PNOC: variants seen among roughly 807,000 people sequenced by gnomAD.
The protein encoded by PNOC is nociceptin.
PNOC carries 10 observed loss-of-function variants against 15.6 expected under a neutral mutation model. The observed-to-expected ratio is 0.64, with a 90% CI of 0.40 to 1.09. PNOC has a LOEUF of 1.09. Ranked by LOEUF, PNOC falls within the 50% of genes least tolerant of loss-of-function variation. PNOC has a pLI of 0.01. For synonymous variants in PNOC, 98 were observed against 88.5 expected (o/e 1.11, Z -0.60); for missense variants, 220 against 223.9 (o/e 0.98, Z 0.11).
chr8:28,330,391 AT>A lies in PNOC; in HGVS notation c.126+1112del, dbSNP rs200641227. Among the ~76,000 whole-genome samples the A allele has an allele frequency of 6.0e-4, 46 of 76,080 alleles. 1 individual carries two copies. The highest frequency in any genetic ancestry group is 1.7e-3 in the African/African-American group (41 of 23,866). 49.9% of individuals were successfully genotyped at this position (76,080 alleles called of 152,430 possible). A position where few individuals can be genotyped will look rare whatever the true frequency, so the allele number is the denominator to read the frequency against. ...ATTTTATTTTATTTTATTTTATTTT[AT>A]TTTATTTTTTTTTTTTTTTTGAGAC... On this transcript the variant is annotated intron_variant, in intron 2 of 3. Coordinates refer to ENST00000301908, the MANE Select transcript of PNOC (RefSeq NM_006228.5).
upstream of PNOC, chr8:28,317,127 G>A (rs933454685): frequency 1.9e-4 from 29 of 152,868 alleles, no homozygotes; most frequent in African/African-American, 6.5e-4. Flanking sequence ...CGGGGGAAGG[G>A]AACAGCCAGG....
chr8:28,341,300 A>G lies in PNOC; in HGVS notation c.*48-1642A>G, dbSNP rs114875556. ...AGAAAGCTGATGTGTTTATTTTAGC[A>G]GGATGACTCATCTCCAAAGGCCCCA... On this transcript the variant is annotated intron_variant, in intron 3 of 3. Transcript: ENST00000301908. Among the ~76,000 whole-genome samples the G allele has an allele frequency of 3.2e-4, 49 of 152,350 alleles. 2 individuals carry two copies. The highest frequency in any genetic ancestry group is 1.1e-3 in the African/African-American group (46 of 41,580).
chr8:28,338,439 G>A (rs1465753629), intron 2 of PNOC, among the ~76,000 whole-genome samples: 4 of 151,956 alleles, frequency 2.6e-5, no homozygotes, highest in Admixed American at 6.6e-5. Flanking sequence ...AGCCCCGCAC[G>A]TCCAGCCGGC....
chr8:28,331,343 A>AT (rs1563328987), intron 2 of PNOC, among the ~76,000 whole-genome samples: 1 of 151,780 alleles, frequency 6.6e-6, no homozygotes, highest in African/African-American at 2.4e-5. Context: ...CTTGCTGATG[A>AT]TTTCCTCCTT....
Position 28,326,273 on chromosome 8 carries a change from G to A in PNOC, c.-23-2862G>A, listed in dbSNP as rs532300635. 3.0e-4 allele frequency among the ~76,000 whole-genome samples: 46 copies of A among 151,964 alleles called. No homozygotes were observed. In the South Asian group the frequency reaches 6.2e-3, roughly 21 times the overall value. On this transcript the variant is annotated intron_variant, in intron 1 of 3. Transcript: ENST00000301908. The stretch of plus-strand genomic sequence containing the variant: ...AGGCTGAGGTGGGAGGATTGCTTGC[G>A]CCCAGGAGTTCAACGCTTCAGTGAG...
chr8:28,326,339 G>A (rs1021063078), intron 1 of PNOC, among the ~76,000 whole-genome samples: 7 of 151,990 alleles, frequency 4.6e-5, no homozygotes, highest in South Asian at 4.2e-4. Context: ...GCAACAGAGC[G>A]AGACCATCTC....
chr8:28,338,809 T>C, intron 2 of PNOC: 3 of 1,163,738 alleles, frequency 2.6e-6, no homozygotes, highest in Non-Finnish European at 3.3e-6. Context: ...CTCACCTCTC[T>C]GAGCCCTGGT....
chr8:28,329,050 C>T, intron 1 of PNOC, 85 bp from the exon 2 acceptor site: 2 of 1,315,038 alleles, frequency 1.5e-6, no homozygotes, highest in Non-Finnish European at 1.1e-6. Flanking sequence ...AAGTGTCTTT[C>T]CTGCATTCTC....
chr8:28,331,315 TTC>T (rs1585834450), intron 2 of PNOC, among the ~76,000 whole-genome samples: 1 of 152,196 alleles, frequency 6.6e-6, no homozygotes, highest in African/African-American at 2.4e-5. Flanking sequence ...TCCACCGTGT[TTC>T]TCTCTGAGCT....
chr8:28,341,220 A>G (rs998127182), intron 3 of PNOC, among the ~76,000 whole-genome samples: 3 of 152,232 alleles, frequency 2.0e-5, no homozygotes, highest in African/African-American at 7.2e-5. Flanking sequence ...AGGTAGGCCA[A>G]CATGTTCACC....
intron 1 of PNOC, among the ~76,000 whole-genome samples, chr8:28,322,735 C>T (rs1801170162): frequency 6.6e-6 from 1 of 152,168 alleles, no homozygotes; most frequent in Admixed American, 6.5e-5. Flanking sequence ...GGCAATCTTC[C>T]AAAAGCAGAA....
intron 2 of PNOC, among the ~76,000 whole-genome samples, chr8:28,330,560 C>T (rs1585833878): frequency 1.3e-4 from 14 of 105,028 alleles, no homozygotes; most frequent in South Asian, 3.4e-4. Context: ...CACCCGGCTA[C>T]TTTTTTTTTT....
chr8:28,323,600 AG>A (rs1801180436), intron 1 of PNOC, among the ~76,000 whole-genome samples: 2 of 152,370 alleles, frequency 1.3e-5, no homozygotes, highest in South Asian at 4.1e-4. Context: ...TGACCATCTC[AG>A]GACTTGTCTG....
At chr8:28,317,828 T>G (rs1801083718) in intron 1 of PNOC, among the ~76,000 whole-genome samples, 2 of 152,172 alleles carry the variant, frequency 1.3e-5, no homozygotes, top group Admixed American at 1.3e-4. Flanking sequence ...TGGGAGTTTT[T>G]AATCCGGAGG....
intron 1 of PNOC, among the ~76,000 whole-genome samples, chr8:28,320,092 CTTTTTTTTTTTTT>C (rs34876964): frequency 5.0e-4 from 15 of 29,724 alleles, no homozygotes; most frequent in Non-Finnish European, 7.7e-4. Flanking sequence ...TTCTTTCTTT[CTTTTTTTTTTTTT>C]TTTTTTTTTT....
chr8:28,339,520 A>G, intron 3 of PNOC, 29 bp downstream of exon 3: 2 of 1,460,278 alleles, frequency 1.4e-6, no homozygotes, highest in East Asian at 2.4e-5. Context: ...AGCTGGGGGC[A>G]AGGAGAGACC....
chr8:28,320,636 G>A (rs1801134888), intron 1 of PNOC, among the ~76,000 whole-genome samples: 1 of 152,042 alleles, frequency 6.6e-6, no homozygotes, highest in Admixed American at 6.6e-5. Context: ...AGATCACAAG[G>A]TCAGGAGATC....
intron 1 of PNOC, among the ~76,000 whole-genome samples, chr8:28,318,470 T>A (rs769326243): frequency 1.3e-5 from 2 of 152,232 alleles, no homozygotes; most frequent in Non-Finnish European, 2.9e-5. Flanking sequence ...GTTTTCAACA[T>A]AGATGGGAAA....
chr8:28,333,051 C>T (rs966072854), intron 2 of PNOC, among the ~76,000 whole-genome samples: 5 of 152,208 alleles, frequency 3.3e-5, no homozygotes, highest in African/African-American at 1.2e-4. Context: ...AGGTGACTTG[C>T]AGTAGGAGTT....
Sources: allele counts gnomAD v4.1 joint callset (sites outside exome capture counted in the v4.1 genomes callset), GRCh38; gene constraint gnomAD v4.1.1; transcripts MANE v1.5; gene names NCBI Gene and HGNC (gene_info 2026-07-23, HGNC 2026-07-21).